MTG2: variants seen among roughly 807,000 people sequenced by gnomAD.
The protein encoded by MTG2 is mitochondrial ribosome associated GTPase 2.
MTG2 carries 23 observed loss-of-function variants against 28.6 expected under a neutral mutation model. The ratio of observed to expected loss-of-function variants is 0.80; its 90% CI spans 0.58 to 1.14. The LOEUF (loss-of-function observed/expected upper bound fraction) is 1.14, where lower values mean the gene tolerates loss of function less well. Among genes scored for constraint, MTG2 ranks in the 50% most tolerant of loss-of-function variants. The pLI is 0.00. For synonymous variants in MTG2, 260 were observed against 251.8 expected (o/e 1.03, Z -0.31); for missense variants, 539 against 552.0 (o/e 0.98, Z 0.24).
Position 62,201,447 on chromosome 20 carries a change from G to A in MTG2, c.*370G>A, listed in dbSNP as rs1354723073. ...AGCTCAGCAGAACCGCACAGCCAGAGCCCCAGGTCAGAAGTGCAGACCAGG... is the reference window on the plus strand; with the variant it reads ...AGCTCAGCAGAACCGCACAGCCAGAACCCCAGGTCAGAAGTGCAGACCAGG... On this transcript the variant is annotated 3_prime_UTR_variant, in exon 7 of 7. Transcript: ENST00000370823. 2.3e-5 allele frequency: 5 copies of A among 222,150 alleles called. No individual in the cohort carries two copies. Among genetic ancestry groups the A allele is most frequent in the Non-Finnish European group, 3.6e-5 (4 of 111,348 alleles). The allele number at this position is 222,150 out of a possible 1,614,324, so 13.8% of individuals were successfully genotyped here.
chr20:62,183,579 T>G (rs1353993588), intron 1 of MTG2, among the ~76,000 whole-genome samples: 1 of 152,264 alleles, frequency 6.6e-6, no homozygotes, highest in Non-Finnish European at 1.5e-5. Context: ...TAATTCACTG[T>G]CCGTGGCTGG....
intron 3 of MTG2, chr20:62,197,586 G>A: frequency 2.6e-6 from 1 of 381,004 alleles, no homozygotes; most frequent in South Asian, 2.5e-5. Context: ...AGCGAGCTGG[G>A]AGTGAAGCCT....
intron 1 of MTG2, among the ~76,000 whole-genome samples, chr20:62,187,342 G>T (rs1005111175): frequency 6.6e-6 from 1 of 152,188 alleles, no homozygotes; most frequent in Non-Finnish European, 1.5e-5. Context: ...TTTGGTACTA[G>T]CCTCATAGGA....
rs2058169205 is a variant in MTG2 at position 62,201,408 on chromosome 20, T to C, written c.*331T>C. On this transcript the variant is annotated 3_prime_UTR_variant, in exon 7 of 7. Transcript: ENST00000370823. ...GACTCAGGTCTCCGCCATGCACGCG[T>C]GGACTCTCGGATGAGCTCAGCAGAA... 3.0e-6 allele frequency: 1 copy of C among 328,248 alleles called. No individual in the cohort carries two copies. The highest frequency in any genetic ancestry group is 2.1e-5 in the African/African-American group (1 of 47,122). 20.3% of individuals were successfully genotyped at this position (328,248 alleles called of 1,614,324 possible).
At chr20:62,191,173 C>G (rs1299191081) in intron 1 of MTG2, among the ~76,000 whole-genome samples, 2 of 152,152 alleles carry the variant, frequency 1.3e-5, no homozygotes, top group African/African-American at 4.8e-5. Context: ...TGCTGCCTCC[C>G]ACGTGTCAGG....
At position 62,193,608 on chromosome 20, in the gene MTG2, T is replaced by A; in HGVS notation, c.188T>A (p.Leu63His). Residue 63 changes from leucine to histidine, a missense_variant, in exon 2 of 7, where the codon CTC (leucine) becomes CAC (histidine). Transcript: ENST00000370823. ...CAGGAACTCCCGGGGAAGAAGCTGCTCTCTGAGAAAAAGCTGGTGAGACTC... is the reference window on the plus strand; with the variant it reads ...CAGGAACTCCCGGGGAAGAAGCTGCACTCTGAGAAAAAGCTGGTGAGACTC... Reference protein sequence around the residue: ...KHQELPGKKLLSEKKLKRYFV... With the variant: ...KHQELPGKKLHSEKKLKRYFV... 1 of 1,611,826 alleles carries A rather than the reference T, an allele frequency of 6.2e-7. No individual in the cohort carries two copies. Among genetic ancestry groups the A allele is most frequent in the Non-Finnish European group, 8.5e-7 (1 of 1,179,634 alleles).
At chr20:62,195,686 A>G in intron 2 of MTG2, 116 bp from the exon 3 acceptor site, 1 of 1,251,614 alleles carries the variant, frequency 8.0e-7, no homozygotes, top group South Asian at 1.4e-5. Context: ...AGTGTCATTA[A>G]CCTCTAATTT....
chr20:62,189,512 C>T (rs770116488), intron 1 of MTG2, among the ~76,000 whole-genome samples: 4 of 151,328 alleles, frequency 2.6e-5, no homozygotes, highest in Non-Finnish European at 5.9e-5. Context: ...GCTATTTTGC[C>T]GAGGCTGGTC....
Position 62,200,887 on chromosome 20 carries a change from C to T in MTG2, c.1031C>T (p.Ala344Val). ...TCTGCGAGGCCCCACGCAATCGTCG[C>T]AAACAAGATTGACCTCCCTGAAGCC... ...GLSARPHAIV[A>V]NKIDLPEAQA... The change falls in exon 7 of 7, where the codon GCA becomes GTA. Residue 344 changes from alanine to valine, a missense_variant. Ala to Val is a moderately conservative substitution (Grantham distance 64, BLOSUM62 0). Coordinates refer to ENST00000370823, the MANE Select transcript of MTG2 (RefSeq NM_015666.4). 1 of 1,614,030 alleles carries T rather than the reference C, an allele frequency of 6.2e-7. No homozygotes were observed. The highest frequency in any genetic ancestry group is 8.5e-7 in the Non-Finnish European group (1 of 1,180,042).
At chr20:62,198,243 C>T (rs972000827) in intron 4 of MTG2, 66 of 519,154 alleles carry the variant, frequency 1.3e-4, no homozygotes, top group Middle Eastern at 5.1e-4. Flanking sequence ...ACGGCACGGA[C>T]GCTTCCTCCG....
In MTG2 at chr20:62,193,500, C is replaced by G. The variant is rs754780895; in HGVS notation, c.80C>G (p.Ala27Gly). ...GVGHWALSTW[A>G]GLKPSRLLPQ... ...GGGCATTGGGCTTTGTCCACATGGGCTGGCCTGAAGCCCAGCCGGCTACTG... is the reference window on the plus strand; with the variant it reads ...GGGCATTGGGCTTTGTCCACATGGGGTGGCCTGAAGCCCAGCCGGCTACTG... Residue 27 changes from alanine (A) to glycine (G), a missense_variant, in exon 2 of 7, where the codon GCT (alanine) becomes GGT (glycine). Ala to Gly is a moderately conservative substitution (Grantham distance 60). Transcript: ENST00000370823. The G allele has an allele frequency of 5.0e-6, 8 of 1,614,184 alleles. No homozygotes were observed. Among genetic ancestry groups the G allele is most frequent in the Non-Finnish European group, 6.8e-6 (8 of 1,180,046 alleles).
chr20:62,195,903 C>A lies in MTG2; in HGVS notation c.306C>A (p.Gly102=). The A allele has an allele frequency of 6.2e-7, 1 of 1,614,146 alleles. No homozygotes were observed. Among genetic ancestry groups the A allele is most frequent in the Middle Eastern group, 1.6e-4 (1 of 6,062 alleles). The change falls in exon 3 of 7, where the codon GGC becomes GGA. Residue 102 remains glycine, a synonymous_variant. Coordinates refer to ENST00000370823, the MANE Select transcript of MTG2 (RefSeq NM_015666.4). ...FHSEPRKEFG[G]PDGGDGGNGG... ...GTGAGCCCCGCAAGGAGTTTGGAGGCCCTGATGGAGGGGACGGAGGCAACG... is the reference window on the plus strand; with the variant it reads ...GTGAGCCCCGCAAGGAGTTTGGAGGACCTGATGGAGGGGACGGAGGCAACG...
At chr20:62,189,164 G>T (rs1022938898) in intron 1 of MTG2, among the ~76,000 whole-genome samples, 1 of 152,000 alleles carries the variant, frequency 6.6e-6, no homozygotes, top group African/African-American at 2.4e-5. Flanking sequence ...TAAAAATTAG[G>T]CACAGTGGCA....
intron 1 of MTG2, among the ~76,000 whole-genome samples, chr20:62,192,396 A>G (rs992920946): frequency 6.6e-6 from 1 of 152,236 alleles, no homozygotes; most frequent in Admixed American, 6.5e-5. Flanking sequence ...GGTCCTAAGC[A>G]TAGGAGCCTT....
chr20:62,193,373 G>T, intron 1 of MTG2, 43 bp from the exon 2 acceptor site: 7 of 1,587,664 alleles, frequency 4.4e-6, no homozygotes, highest in Non-Finnish European at 6.1e-6. Context: ...TTCATGCCCA[G>T]CATTAAACCA....
intron 1 of MTG2, among the ~76,000 whole-genome samples, chr20:62,186,533 T>G (rs796384221): frequency 0.13 from 19,114 of 144,520 alleles, 1,263 homozygotes; most frequent in South Asian, 0.2. Flanking sequence ...TTTTTGTTTT[T>G]TTTTTTTTTT....
intron 6 of MTG2, 117 bp from the exon 7 acceptor site, chr20:62,200,566 A>G (rs1272889354): frequency 6.2e-6 from 8 of 1,288,094 alleles, no homozygotes; most frequent in Non-Finnish European, 8.5e-6. Flanking sequence ...GTTAGAACTC[A>G]GGAAATCCGC....
chr20:62,191,499 A>T (rs1032204904), intron 1 of MTG2, among the ~76,000 whole-genome samples: 38 of 152,108 alleles, frequency 2.5e-4, no homozygotes, highest in Non-Finnish European at 2.8e-4. Flanking sequence ...TGTAACTGTG[A>T]TTGCCTCAGA....
intron 2 of MTG2, 110 bp downstream of exon 2, chr20:62,193,734 T>G: frequency 9.6e-7 from 1 of 1,045,508 alleles, no homozygotes; most frequent in Non-Finnish European, 1.4e-6. Flanking sequence ...GTTGATGATC[T>G]TAGTGATGGG....
Sources: gnomAD v4.1 joint callset for allele counts (sites outside exome capture counted in the v4.1 genomes callset) on GRCh38, gnomAD v4.1.1 for gene constraint, MANE v1.5 for transcripts, NCBI Gene and HGNC (gene_info 2026-07-23, HGNC 2026-07-21) for gene names.